The following AK5 variants were observed in gnomAD, a reference collection of about 807,000 sequenced individuals.
AK5 encodes adenylate kinase 5.
In AK5, 27 loss-of-function variants were observed where a neutral mutation model predicts 69.5. That is an observed-to-expected ratio of 0.39 (90% CI 0.29 to 0.54). AK5 has a LOEUF of 0.54. AK5 is among the 20% of genes least tolerant of loss of function. The probability of loss-of-function intolerance (pLI) is 0.71; values close to 1 mark genes in which losing one functional copy is unlikely to be tolerated. For missense variants in AK5, 531 were observed against 700.4 expected (o/e 0.76, Z 2.73); for synonymous variants, 260 against 244.4 (o/e 1.06, Z -0.60).
intron 13 of AK5, among the ~76,000 whole-genome samples, chr1:77,538,610 A>C (rs1320144471): frequency 6.6e-6 from 1 of 151,946 alleles, no homozygotes; most frequent in Admixed American, 6.6e-5. Context: ...AAATCACACC[A>C]CTGCACTCCA....
At chr1:77,349,955 A>G (rs905178803) in intron 6 of AK5, among the ~76,000 whole-genome samples, 2 of 152,280 alleles carry the variant, frequency 1.3e-5, no homozygotes, top group African/African-American at 4.8e-5. Flanking sequence ...CATTTTATTG[A>G]GGGCCTATGT....
intron 6 of AK5, among the ~76,000 whole-genome samples, chr1:77,390,100 C>T (rs2100522727): frequency 6.6e-6 from 1 of 152,302 alleles, no homozygotes; most frequent in East Asian, 1.9e-4. Context: ...CCCTGTAATT[C>T]TGTGATTTGG....
rs1657997829 is a variant in AK5 at position 77,521,761 on chromosome 1, A to C, written c.1312-66A>C. On this transcript the variant is annotated intron_variant, in intron 11 of 13. Transcript: ENST00000354567. ...CCCTCCCTCAGTGGATGACTGAAGG[A>C]GACTTGGGGTACTTCTAGTGTTCTG... 4 of 1,198,318 alleles carry C rather than the reference A, an allele frequency of 3.3e-6. No homozygotes were observed. The East Asian group carries it at 9.4e-5, about 28-fold the overall frequency. 74.2% of individuals were successfully genotyped at this position (1,198,318 alleles called of 1,614,324 possible). A position where few individuals can be genotyped will look rare whatever the true frequency, so the allele number is the denominator to read the frequency against.
chr1:77,540,738 TAG>T (rs772468900), intron 13 of AK5: 1 of 152,182 alleles, frequency 6.6e-6, no homozygotes, highest in South Asian at 2.1e-4. Context: ...CTAAAGTGGA[TAG>T]AACACGATCT....
At chr1:77,283,649 C>A in intron 1 of AK5, 2 of 981,768 alleles carry the variant, frequency 2.0e-6, no homozygotes, top group Non-Finnish European at 2.4e-6. Context: ...GTATGTGAAG[C>A]CCAAATCTAG....
At position 77,552,298 on chromosome 1, in the gene AK5, C is replaced by T. The variant is rs570323233; in HGVS notation, c.1621-6304C>T. Among the ~76,000 whole-genome samples the T allele has an allele frequency of 3.3e-5, 5 of 152,266 alleles. No individual in the cohort carries two copies. In the South Asian group the frequency reaches 1.0e-3, roughly 32 times the overall value. On this transcript the variant is annotated intron_variant, in intron 13 of 13. Transcript: ENST00000354567. ...CCACGCTGTATTCAGAGTTGAATCC[C>T]ATCCCTCTCCCCCACTGCAAAATTC... is the stretch of plus-strand genomic sequence containing the variant.
intron 6 of AK5, among the ~76,000 whole-genome samples, chr1:77,358,236 T>C (rs1463209687): frequency 2.0e-5 from 3 of 152,202 alleles, no homozygotes; most frequent in Non-Finnish European, 4.4e-5. Flanking sequence ...CATATTGTAC[T>C]CTGCTTTAAA....
intron 13 of AK5, among the ~76,000 whole-genome samples, chr1:77,539,289 C>G (rs1659147586): frequency 6.6e-6 from 1 of 152,176 alleles, no homozygotes; most frequent in African/African-American, 2.4e-5. Flanking sequence ...GTTTGCAGTC[C>G]CCTGGCTCAT....
At chr1:77,531,736 T>C (rs1401852472) in intron 12 of AK5, among the ~76,000 whole-genome samples, 1 of 151,890 alleles carries the variant, frequency 6.6e-6, no homozygotes, top group African/African-American at 2.4e-5. Context: ...CAGGTGGAGC[T>C]GCCTGCCAGT....
intron 12 of AK5, among the ~76,000 whole-genome samples, chr1:77,529,989 T>G (rs1658490527): frequency 6.6e-6 from 1 of 152,226 alleles, no homozygotes. Flanking sequence ...GTGATCCCTC[T>G]GCCTTACTAC....
chr1:77,413,362 T>C (rs1195541743), intron 7 of AK5, among the ~76,000 whole-genome samples: 1 of 152,084 alleles, frequency 6.6e-6, no homozygotes, highest in Admixed American at 6.6e-5. Context: ...AGAGTAAACG[T>C]GGTGATTTTC....
At chr1:77,339,458 C>G (rs866732756) in intron 5 of AK5, among the ~76,000 whole-genome samples, 26 of 152,034 alleles carry the variant, frequency 1.7e-4, no homozygotes, top group African/African-American at 4.3e-4. Flanking sequence ...GACCTTTGGG[C>G]CTTTTAGTGC....
At chr1:77,331,616 T>C (rs1253981200) in intron 5 of AK5, among the ~76,000 whole-genome samples, 4 of 152,202 alleles carry the variant, frequency 2.6e-5, no homozygotes, top group African/African-American at 9.6e-5. Flanking sequence ...GACAGATTCA[T>C]TTGCTATATT....
At chr1:77,347,828 G>A (rs1381153374) in intron 6 of AK5, among the ~76,000 whole-genome samples, 1 of 152,116 alleles carries the variant, frequency 6.6e-6, no homozygotes, top group Non-Finnish European at 1.5e-5. Context: ...ATCTGTCTCT[G>A]TCATAAGCAA....
intron 10 of AK5, among the ~76,000 whole-genome samples, chr1:77,495,823 A>C (rs1656279120): frequency 6.6e-6 from 1 of 150,972 alleles, no homozygotes; most frequent in Non-Finnish European, 1.5e-5. Flanking sequence ...AAAATCCTAC[A>C]CAAGCAGATA....
intron 10 of AK5, among the ~76,000 whole-genome samples, chr1:77,503,270 T>G (rs906124162): frequency 2.6e-5 from 4 of 152,156 alleles, no homozygotes; most frequent in African/African-American, 9.7e-5. Flanking sequence ...AGTAAAAGAT[T>G]ATAAGAAGAT....
intron 10 of AK5, among the ~76,000 whole-genome samples, chr1:77,495,765 C>G (rs1356653373): frequency 1.3e-5 from 2 of 151,954 alleles, no homozygotes; most frequent in African/African-American, 4.8e-5. Context: ...GGAGAAGCTC[C>G]CCTGTATACT....
At chr1:77,409,333 G>T (rs568863937) in intron 6 of AK5, among the ~76,000 whole-genome samples, 1 of 152,252 alleles carries the variant, frequency 6.6e-6, no homozygotes, top group South Asian at 2.1e-4. Flanking sequence ...TCGAGGAATT[G>T]CCGTACTGCT....
At chr1:77,366,281 T>C (rs1405258250) in intron 6 of AK5, among the ~76,000 whole-genome samples, 1 of 152,226 alleles carries the variant, frequency 6.6e-6, no homozygotes, top group Non-Finnish European at 1.5e-5. Flanking sequence ...AGAGAATTTC[T>C]CTGCAGATTA....
Sources: gnomAD v4.1 joint callset for allele counts (sites outside exome capture counted in the v4.1 genomes callset) on GRCh38, gnomAD v4.1.1 for gene constraint, MANE v1.5 for transcripts, NCBI Gene and HGNC (gene_info 2026-07-23, HGNC 2026-07-21) for gene names.